FBLN7: variants seen among roughly 807,000 people sequenced by gnomAD.
FBLN7 encodes the protein fibulin-7.
A neutral mutation model predicts 44.0 loss-of-function variants in FBLN7; 31 were observed. That is an observed-to-expected ratio of 0.70 (90% CI 0.53 to 0.95). The LOEUF (loss-of-function observed/expected upper bound fraction) is 0.95, where lower values mean the gene tolerates loss of function less well. FBLN7 is among the 40% of genes least tolerant of loss of function. FBLN7 has a pLI of 0.00. For missense variants in FBLN7, 573 were observed against 618.5 expected, an observed-to-expected ratio of 0.93 and a Z score of 0.78; for synonymous variants, 262 against 253.4, an observed-to-expected ratio of 1.03 and a Z score of -0.32.
Position 112,181,758 on chromosome 2 carries a change from G to A in FBLN7, c.552G>A (p.Val184=). Residue 184 remains valine, a synonymous_variant, in exon 5 of 8, where the codon GTG becomes GTA. Coordinates refer to ENST00000331203, the MANE Select transcript of FBLN7 (RefSeq NM_153214.3). ...CCGCAGCCGCCCCCGAGGGCAGCGT[G>A]GCCGGCGACTCCGCCTTCAGCCGCG... ...QAQTAAPEGS[V]AGDSAFSRAP... 1.4e-6 allele frequency: 2 copies of A among 1,405,556 alleles called. No individual in the cohort carries two copies. The highest frequency in any genetic ancestry group is 1.8e-6 in the Non-Finnish European group (2 of 1,086,762). The allele number at this position is 1,405,556 out of a possible 1,614,324, so 87.1% of individuals were successfully genotyped here. A position where few individuals can be genotyped will look rare whatever the true frequency, so the allele number is the denominator to read the frequency against.
At chr2:112,147,113 G>T (rs1393509182) in intron 1 of FBLN7, among the ~76,000 whole-genome samples, 3 of 152,162 alleles carry the variant, frequency 2.0e-5, no homozygotes, top group African/African-American at 7.2e-5. Flanking sequence ...GGAAGAGATG[G>T]TGTAGAATTG....
intron 3 of FBLN7, among the ~76,000 whole-genome samples, chr2:112,169,381 T>A (rs1682334848): frequency 6.6e-6 from 1 of 152,164 alleles, no homozygotes; most frequent in Non-Finnish European, 1.5e-5. Flanking sequence ...TTTCTCCATT[T>A]CTCCTTTATT....
chr2:112,242,311 C>T, the FBLN7 span, among the ~76,000 whole-genome samples: 1 of 152,144 alleles, frequency 6.6e-6, no homozygotes, highest in East Asian at 1.9e-4. Context: ...CACTTGAAAA[C>T]TATATAAAAT....
the FBLN7 span, chr2:112,236,763 G>A: frequency 5.7e-6 from 8 of 1,391,960 alleles, no homozygotes; most frequent in East Asian, 2.5e-5. Flanking sequence ...TAAGAAGTAC[G>A]GGGCCAGGTG....
chr2:112,195,472 C>A, the FBLN7 span, among the ~76,000 whole-genome samples: 1 of 152,162 alleles, frequency 6.6e-6, no homozygotes, highest in African/African-American at 2.4e-5. Context: ...CCCAGGCAAA[C>A]CTCCATCATA....
At chr2:112,173,335 A>G (rs1473464879) in intron 3 of FBLN7, among the ~76,000 whole-genome samples, 1 of 152,040 alleles carries the variant, frequency 6.6e-6, no homozygotes, top group Non-Finnish European at 1.5e-5. Flanking sequence ...CCGGAAAGAC[A>G]TGGCCATAAA....
chr2:112,226,414 C>T, the FBLN7 span, among the ~76,000 whole-genome samples: 99 of 151,632 alleles, frequency 6.5e-4, no homozygotes, highest in African/African-American at 2.2e-3. Flanking sequence ...CGGTGAAACC[C>T]CGTCTCTACT....
intron 1 of FBLN7, among the ~76,000 whole-genome samples, chr2:112,157,008 C>T (rs1396542496): frequency 6.6e-6 from 1 of 152,114 alleles, no homozygotes; most frequent in Non-Finnish European, 1.5e-5. Context: ...TTTACTGTTC[C>T]ACTGTATTTT....
rs551335699 is a variant in FBLN7 at position 112,181,100 on chromosome 2, C to T, written c.533-639C>T. ...TAACATAGGAACAGAAAACCAAATACGGCATGTTCTCACTTATAACTGGGA... is the reference window on the plus strand; with the variant it reads ...TAACATAGGAACAGAAAACCAAATATGGCATGTTCTCACTTATAACTGGGA... On this transcript the variant is annotated intron_variant, in intron 4 of 7. Coordinates refer to ENST00000331203, the MANE Select transcript of FBLN7 (RefSeq NM_153214.3). Among the ~76,000 whole-genome samples, 14 of 152,122 alleles carry T rather than the reference C, an allele frequency of 9.2e-5. No individual in the cohort carries two copies. In the East Asian group the frequency reaches 1.9e-3, roughly 21 times the overall value.
chr2:112,229,971 C>T, the FBLN7 span, among the ~76,000 whole-genome samples: 3 of 150,504 alleles, frequency 2.0e-5, no homozygotes, highest in East Asian at 5.8e-4. Flanking sequence ...ACGAAAAGAC[C>T]GTCCACAAAA....
the FBLN7 span, chr2:112,238,695 G>A: frequency 1.1e-5 from 5 of 459,630 alleles, no homozygotes; most frequent in East Asian, 7.1e-5. Flanking sequence ...AAAATTTCCA[G>A]AATTAAAAAA....
rs1039559535 is a variant in FBLN7, at chr2:112,181,762, G to T, written c.556G>T (p.Gly186Cys). The T allele has an allele frequency of 2.9e-5, 41 of 1,407,266 alleles. No individual in the cohort carries two copies. The highest frequency in any genetic ancestry group is 3.7e-5 in the Non-Finnish European group (40 of 1,087,454). The allele number at this position is 1,407,266 out of a possible 1,614,324, so 87.2% of individuals were successfully genotyped here. ...QTAAPEGSVA[G>C]DSAFSRAPRC... is the part of the protein sequence containing the mutation. ...AGCCGCCCCCGAGGGCAGCGTGGCC[G>T]GCGACTCCGCCTTCAGCCGCGCGCC... Residue 186 changes from glycine to cysteine, a missense_variant, in exon 5 of 8, where the codon GGC (glycine) becomes TGC (cysteine). Gly to Cys is a radical substitution (Grantham distance 159). Transcript: ENST00000331203.
At chr2:112,188,841 C>T (rs1231417789), downstream of FBLN7, 2 of 152,202 alleles carry the variant, frequency 1.3e-5, no homozygotes, top group African/African-American at 4.8e-5. Flanking sequence ...CTCCCATGGG[C>T]TCAGCTGCGA....
At chr2:112,192,041 C>A (rs1254276593), downstream of FBLN7, among the ~76,000 whole-genome samples, 1 of 152,124 alleles carries the variant, frequency 6.6e-6, no homozygotes, top group African/African-American at 2.4e-5. Context: ...CTGGACCCTT[C>A]TATTTTGCTT....
intron 2 of FBLN7, among the ~76,000 whole-genome samples, chr2:112,160,971 A>G (rs1470863672): frequency 6.6e-6 from 1 of 152,162 alleles, no homozygotes; most frequent in Non-Finnish European, 1.5e-5. Context: ...CGTTAGTACC[A>G]GGACGGTTGG....
chr2:112,172,047 A>G (rs1682493372), intron 3 of FBLN7, among the ~76,000 whole-genome samples: 1 of 152,310 alleles, frequency 6.6e-6, no homozygotes, highest in East Asian at 1.9e-4. Flanking sequence ...ACCGCACCCG[A>G]CCATTAAGCA....
At chr2:112,186,545 CAGG>C (rs951012852) in intron 7 of FBLN7, among the ~76,000 whole-genome samples, 1 of 152,140 alleles carries the variant, frequency 6.6e-6, no homozygotes, top group African/African-American at 2.4e-5. Flanking sequence ...GAGGCTGAGA[CAGG>C]AGAATCACTT....
At chr2:112,239,678 A>T in the FBLN7 span, among the ~76,000 whole-genome samples, 1 of 137,616 alleles carries the variant, frequency 7.3e-6, no homozygotes, top group Admixed American at 8.3e-5. Flanking sequence ...TCTGCCTCCC[A>T]GGCTCAAGCG....
chr2:112,171,858 T>C (rs1682480085), intron 3 of FBLN7, among the ~76,000 whole-genome samples: 3 of 152,210 alleles, frequency 2.0e-5, no homozygotes, highest in African/African-American at 7.2e-5. Context: ...GCCATTCTCC[T>C]GCCTCAGCCT....
Sources: gnomAD v4.1 joint callset for allele counts (sites outside exome capture counted in the v4.1 genomes callset) on GRCh38, gnomAD v4.1.1 for gene constraint, MANE v1.5 for transcripts, NCBI Gene and HGNC (gene_info 2026-07-23, HGNC 2026-07-21) for gene names.